Variants in XRCC4 observed in about 807,000 individuals in gnomAD.
XRCC4 encodes the protein DNA repair protein XRCC4.
A neutral mutation model predicts 39.1 loss-of-function variants in XRCC4; 28 were observed. That is an observed-to-expected ratio of 0.72 (90% confidence interval 0.53 to 0.98). The LOEUF (loss-of-function observed/expected upper bound fraction) is 0.98, where lower values mean the gene tolerates loss of function less well. XRCC4 is among the 50% of genes least tolerant of loss of function. The pLI is 0.00. For missense variants in XRCC4, 350 were observed against 376.4 expected, an observed-to-expected ratio of 0.93 and a Z score of 0.58; for synonymous variants, 123 against 126.4, an observed-to-expected ratio of 0.97 and a Z score of 0.18.
chr5:83,309,391 A>G (rs301287), intron 7 of XRCC4, among the ~76,000 whole-genome samples: 111,864 of 146,970 alleles, frequency 0.76, 43,981 homozygotes, highest in Non-Finnish European at 0.86. Flanking sequence ...ACTGGGCTTT[A>G]TTAAGCCATT....
chr5:83,174,093 C>T (rs921418404), intron 3 of XRCC4, among the ~76,000 whole-genome samples: 1 of 152,170 alleles, frequency 6.6e-6, no homozygotes, highest in Non-Finnish European at 1.5e-5. Flanking sequence ...GGGGCTTTGA[C>T]TGTGACAGGC....
At chr5:83,237,045 TC>T (rs976592715) in intron 6 of XRCC4, among the ~76,000 whole-genome samples, 5 of 151,816 alleles carry the variant, frequency 3.3e-5, no homozygotes, top group Non-Finnish European at 7.4e-5. Flanking sequence ...ATGCCTTTTT[TC>T]AAAAAGGCAA....
At chr5:83,131,416 C>G (rs1580265132) in intron 3 of XRCC4, among the ~76,000 whole-genome samples, 1 of 152,246 alleles carries the variant, frequency 6.6e-6, no homozygotes, top group South Asian at 2.1e-4. Flanking sequence ...GAGCTGAGTT[C>G]AATTCCTGGG....
At chr5:83,128,632 C>T (rs938016170) in intron 3 of XRCC4, among the ~76,000 whole-genome samples, 2 of 152,132 alleles carry the variant, frequency 1.3e-5, no homozygotes, top group African/African-American at 4.8e-5. Context: ...TTCTCCAGCA[C>T]CTGTTGTTTC....
chr5:83,199,379 T>G (rs1307802711), intron 4 of XRCC4, among the ~76,000 whole-genome samples: 1 of 152,180 alleles, frequency 6.6e-6, no homozygotes, highest in Admixed American at 6.5e-5. Flanking sequence ...TTTTCCGTAC[T>G]TAAAGCCTTA....
At position 83,291,751 on chromosome 5, in the gene XRCC4, A is replaced by T. The variant is rs1046541527; in HGVS notation, c.893+33074A>T. 2.0e-5 allele frequency among the ~76,000 whole-genome samples: 3 copies of T among 151,906 alleles called. No homozygotes were observed. In the East Asian group the frequency reaches 5.8e-4, roughly 29 times the overall value. On this transcript the variant is annotated intron_variant, in intron 7 of 7. Coordinates refer to ENST00000396027, the MANE Select transcript of XRCC4 (RefSeq NM_003401.5). ...TTTATTAGGTGCTTTCCTCTGTAAC[A>T]GCTCATTTGGAGGCACTATATGTTA... is the stretch of plus-strand genomic sequence containing the variant.
intron 3 of XRCC4, among the ~76,000 whole-genome samples, chr5:83,148,798 C>T (rs1371096103): frequency 6.6e-6 from 1 of 151,060 alleles, no homozygotes; most frequent in Non-Finnish European, 1.5e-5. Context: ...CTTAGGACAT[C>T]AATAATGATA....
chr5:83,261,598 ACTATGGCT>A (rs1753752874), intron 7 of XRCC4, among the ~76,000 whole-genome samples: 2 of 117,056 alleles, frequency 1.7e-5, no homozygotes, highest in Admixed American at 2.3e-4. Context: ...GGTCATAAGT[ACTATGGCT>A]TAATTTTTTT....
intron 3 of XRCC4, among the ~76,000 whole-genome samples, chr5:83,194,989 A>AAT (rs1303895088): frequency 2.0e-5 from 3 of 152,170 alleles, no homozygotes; most frequent in Admixed American, 2.0e-4. Flanking sequence ...GTAACTGAAT[A>AAT]ATAATCATCA....
chr5:83,246,519 T>C (rs567738669), intron 6 of XRCC4, among the ~76,000 whole-genome samples: 2 of 152,318 alleles, frequency 1.3e-5, no homozygotes, highest in East Asian at 1.9e-4. Context: ...ATTCTACTTA[T>C]ATAATCTTCA....
chr5:83,119,328 A>G (rs891799003), intron 3 of XRCC4, among the ~76,000 whole-genome samples: 14 of 152,338 alleles, frequency 9.2e-5, no homozygotes, highest in African/African-American at 3.4e-4. Context: ...AAAGGAAATC[A>G]TAGTATTCTT....
intron 3 of XRCC4, among the ~76,000 whole-genome samples, chr5:83,118,640 C>T (rs1207592212): frequency 6.6e-6 from 1 of 152,184 alleles, no homozygotes; most frequent in South Asian, 2.1e-4. Flanking sequence ...CTTTTGCTCA[C>T]GTCCCATTGG....
intron 3 of XRCC4, among the ~76,000 whole-genome samples, chr5:83,126,673 A>C (rs561408762): frequency 1.6e-4 from 25 of 152,274 alleles, no homozygotes; most frequent in Non-Finnish European, 2.1e-4. Context: ...GGCCACCTGA[A>C]TACTCCAGAA....
chr5:83,125,748 C>T (rs901105653), intron 3 of XRCC4, among the ~76,000 whole-genome samples: 5 of 96,794 alleles, frequency 5.2e-5, no homozygotes, highest in East Asian at 2.3e-4. Context: ...TCCAACAGGC[C>T]GAGGCGGGTG....
chr5:83,361,748 A>G, the XRCC4 span, among the ~76,000 whole-genome samples: 246 of 151,710 alleles, frequency 1.6e-3, 3 homozygotes, highest in Middle Eastern at 0.041. Flanking sequence ...CAGCCACCCT[A>G]GTAGCTGGAA....
At chr5:83,276,482 G>T (rs28969554) in intron 7 of XRCC4, among the ~76,000 whole-genome samples, 25 of 126,690 alleles carry the variant, frequency 2.0e-4, no homozygotes, top group African/African-American at 7.9e-4. Flanking sequence ...GTTATCATGG[G>T]AATGAGGCTG....
At chr5:83,314,926 TG>T (rs1755828180) in intron 7 of XRCC4, among the ~76,000 whole-genome samples, 1 of 152,074 alleles carries the variant, frequency 6.6e-6, no homozygotes, top group East Asian at 1.9e-4. Flanking sequence ...AGTGTTCAGA[TG>T]AAAGGAAGAG....
At chr5:83,185,366 A>T (rs1278019937) in intron 3 of XRCC4, among the ~76,000 whole-genome samples, 1 of 55,450 alleles carries the variant, frequency 1.8e-5, no homozygotes, top group Non-Finnish European at 4.8e-5. Context: ...GCCCAGCATT[A>T]AAAAAAAAAA....
intron 2 of XRCC4, among the ~76,000 whole-genome samples, chr5:83,108,846 A>ATCT (rs1027580679): frequency 4.1e-5 from 5 of 121,876 alleles, no homozygotes; most frequent in Admixed American, 7.6e-5. Flanking sequence ...GGAAGCATTT[A>ATCT]TCTTCTTCTT....
Sources: gnomAD v4.1 joint callset for allele counts (sites outside exome capture counted in the v4.1 genomes callset) on GRCh38, gnomAD v4.1.1 for gene constraint, MANE v1.5 for transcripts, NCBI Gene and HGNC (gene_info 2026-07-23, HGNC 2026-07-21) for gene names.